FBN1: variants seen among roughly 807,000 people sequenced by gnomAD.
FBN1 encodes fibrillin 1.
Under a neutral mutation model 365.1 loss-of-function variants are expected in FBN1, and 29 were observed. The ratio of observed to expected loss-of-function variants is 0.08; its 90% CI spans 0.06 to 0.11. The LOEUF (loss-of-function observed/expected upper bound fraction) is 0.11, where lower values mean the gene tolerates loss of function less well. Among genes scored for constraint, FBN1 ranks in the 10% least tolerant of loss-of-function variants. The pLI is 1.00. For synonymous variants in FBN1, 1,210 were observed against 1,270.5 expected (o/e 0.95, Z 1.01); for missense variants, 2,476 against 3,703.2 (o/e 0.67, Z 8.60).
chr15:48,526,153 GA>G lies in FBN1; in HGVS notation c.964del (p.Ser322LeufsTer8), dbSNP rs755363622. 1 of 1,614,184 alleles carries G rather than the reference GA, an allele frequency of 6.2e-7. No individual in the cohort carries two copies. On this transcript the variant is annotated frameshift_variant, in exon 9 of 66. Coordinates refer to ENST00000316623, the MANE Select transcript of FBN1 (RefSeq NM_000138.5). LOFTEE classifies it high-confidence loss of function. ...FCKCPPGFYT[S>X]PDGTRCIDVR... is the part of the protein sequence containing the mutation. ...ACCTATGCATCTGGTACCATCTGGA[GA>G]GGTGTAAAAACCAGGGGGACATTTG...
At chr15:48,433,358 C>G (rs1291942750) in intron 54 of FBN1, among the ~76,000 whole-genome samples, 1 of 152,174 alleles carries the variant, frequency 6.6e-6, no homozygotes, top group Non-Finnish European at 1.5e-5. Flanking sequence ...CCAACAGTTA[C>G]ATGGCGTGGG....
chr15:48,637,500 G>A (rs1242501931), intron 2 of FBN1, among the ~76,000 whole-genome samples: 1 of 152,130 alleles, frequency 6.6e-6, no homozygotes, highest in East Asian at 1.9e-4. Flanking sequence ...ATGTCACTTG[G>A]AACCATGCCG....
At chr15:48,565,069 T>C (rs780295917) in intron 6 of FBN1, among the ~76,000 whole-genome samples, 1 of 152,204 alleles carries the variant, frequency 6.6e-6, no homozygotes, top group Non-Finnish European at 1.5e-5. Context: ...TAATAATTCA[T>C]TGGGGGATAT....
intron 6 of FBN1, among the ~76,000 whole-genome samples, chr15:48,590,871 C>A (rs1256309010): frequency 6.6e-6 from 1 of 152,172 alleles, no homozygotes; most frequent in Non-Finnish European, 1.5e-5. Flanking sequence ...CTACTGATAG[C>A]CAGCATAACA....
intron 2 of FBN1, 34 bp downstream of exon 2, chr15:48,644,572 G>A: frequency 1.2e-6 from 2 of 1,613,564 alleles, no homozygotes. Context: ...AAACTTGGGA[G>A]ACCCACACCA....
At chr15:48,596,617 T>C (rs1255182919) in intron 5 of FBN1, among the ~76,000 whole-genome samples, 1 of 152,238 alleles carries the variant, frequency 6.6e-6, no homozygotes, top group Non-Finnish European at 1.5e-5. Flanking sequence ...CCGTGAAGCA[T>C]CTGAGCAATG....
At chr15:48,581,937 CTT>C (rs542395122) in intron 6 of FBN1, among the ~76,000 whole-genome samples, 113 of 152,278 alleles carry the variant, frequency 7.4e-4, no homozygotes, top group Admixed American at 1.4e-3. Flanking sequence ...CAATCTCACT[CTT>C]TGCTATAAAA....
At chr15:48,616,872 T>G (rs1889663928) in intron 2 of FBN1, among the ~76,000 whole-genome samples, 1 of 152,134 alleles carries the variant, frequency 6.6e-6, no homozygotes, top group South Asian at 2.1e-4. Context: ...TAATAACAAC[T>G]CTTTGAGGTA....
chr15:48,548,025 A>G (rs543531709), intron 6 of FBN1, among the ~76,000 whole-genome samples: 3 of 152,326 alleles, frequency 2.0e-5, no homozygotes, highest in South Asian at 4.1e-4. Flanking sequence ...AAACCCGATT[A>G]TGTAGATTTA....
At chr15:48,469,450 T>C (rs2043353150) in intron 36 of FBN1, among the ~76,000 whole-genome samples, 2 of 152,084 alleles carry the variant, frequency 1.3e-5, no homozygotes, top group African/African-American at 2.4e-5. Context: ...ATTCCAAAAA[T>C]ATGTACAGAA....
chr15:48,571,818 A>G (rs2044307745), intron 6 of FBN1, among the ~76,000 whole-genome samples: 1 of 152,238 alleles, frequency 6.6e-6, no homozygotes, highest in African/African-American at 2.4e-5. Context: ...ACACATAACG[A>G]AATAACAGAA....
intron 17 of FBN1, among the ~76,000 whole-genome samples, chr15:48,500,643 G>A (rs1337345220): frequency 6.6e-6 from 1 of 152,212 alleles, no homozygotes; most frequent in African/African-American, 2.4e-5. Context: ...ACTCCGCGTA[G>A]TGCCATGGAG....
At chr15:48,525,996 T>C in intron 9 of FBN1, 134 bp downstream of exon 9, 1 of 1,214,600 alleles carries the variant, frequency 8.2e-7, no homozygotes, top group Non-Finnish European at 1.2e-6. Context: ...GTCAACTGTT[T>C]AACATTTTTC....
intron 13 of FBN1, among the ~76,000 whole-genome samples, chr15:48,512,721 A>G (rs748396465): frequency 4.0e-5 from 6 of 151,300 alleles, no homozygotes; most frequent in South Asian, 2.1e-4. Flanking sequence ...TATCCAGTCT[A>G]TCATTGATGG....
chr15:48,513,941 C>T (rs1401539393), intron 12 of FBN1, among the ~76,000 whole-genome samples: 1 of 152,108 alleles, frequency 6.6e-6, no homozygotes, highest in African/African-American at 2.4e-5. Context: ...ATTTTTTCTT[C>T]CTTGAGTCTG....
intron 52 of FBN1, 65 bp from the exon 53 acceptor site, chr15:48,437,142 T>A: frequency 8.0e-7 from 1 of 1,246,936 alleles, no homozygotes; most frequent in East Asian, 2.3e-5. Flanking sequence ...TAAATTATGA[T>A]CATTTCAGTG....
chr15:48,580,621 A>G (rs1390074796), intron 6 of FBN1, among the ~76,000 whole-genome samples: 1 of 152,178 alleles, frequency 6.6e-6, no homozygotes, highest in Non-Finnish European at 1.5e-5. Flanking sequence ...AGGCCATTCC[A>G]GTGATGCTAG....
At chr15:48,478,962 C>T (rs2043446348) in intron 32 of FBN1, among the ~76,000 whole-genome samples, 1 of 152,202 alleles carries the variant, frequency 6.6e-6, no homozygotes, top group Non-Finnish European at 1.5e-5. Context: ...AGCAAAATTT[C>T]TCCTTATAAA....
At chr15:48,626,290 A>G (rs2140758008) in intron 2 of FBN1, among the ~76,000 whole-genome samples, 1 of 152,174 alleles carries the variant, frequency 6.6e-6, no homozygotes, top group East Asian at 1.9e-4. Flanking sequence ...TATAATTACT[A>G]GTAAGAAATC....
Sources: allele counts gnomAD v4.1 joint callset (sites outside exome capture counted in the v4.1 genomes callset), GRCh38; gene constraint gnomAD v4.1.1; transcripts MANE v1.5; gene names NCBI Gene and HGNC (gene_info 2026-07-23, HGNC 2026-07-21).